MAPK14: variants seen among roughly 807,000 people sequenced by gnomAD.
MAPK14 encodes the protein mitogen-activated protein kinase 14.
Under a neutral mutation model 49.6 loss-of-function variants are expected in MAPK14, and 16 were observed. The observed-to-expected ratio is 0.32, with a 90% CI of 0.22 to 0.49. The LOEUF is 0.49. Ranked by LOEUF, MAPK14 falls within the 20% of genes least tolerant of loss-of-function variation. The probability of loss-of-function intolerance (pLI) is 0.99; values close to 1 mark genes in which losing one functional copy is unlikely to be tolerated. For synonymous variants in MAPK14, 142 were observed against 158.0 expected, an observed-to-expected ratio of 0.90 and a Z score of 0.76; for missense variants, 200 against 441.2, an observed-to-expected ratio of 0.45 and a Z score of 4.90.
intron 8 of MAPK14, among the ~76,000 whole-genome samples, chr6:36,086,949 G>A (rs767085264): frequency 1.3e-5 from 2 of 152,076 alleles, no homozygotes; most frequent in Non-Finnish European, 2.9e-5. Context: ...CATCCACCAC[G>A]GTCAAGTCAG....
rs1023316687 is a variant in MAPK14 at position 36,065,787 on chromosome 6, A to G, written c.305+6440A>G. Among the ~76,000 whole-genome samples the G allele has an allele frequency of 3.9e-5, 6 of 152,170 alleles. No homozygotes were observed. The South Asian group carries it at 1.2e-3, about 31-fold the overall frequency. ...ACAAACACATTCCATAGTGTGTGAT[A>G]AAAAGATATCATTTTACCAGAGGCA... On this transcript the variant is annotated intron_variant, in intron 3 of 11. Transcript: ENST00000229794.
At chr6:36,098,984 T>G (rs1465685926) in intron 9 of MAPK14, among the ~76,000 whole-genome samples, 1 of 152,200 alleles carries the variant, frequency 6.6e-6, no homozygotes, top group Non-Finnish European at 1.5e-5. Flanking sequence ...GCCTCTGTCT[T>G]TGGGCTTAGG....
chr6:36,061,988 T>C (rs1220868957), intron 3 of MAPK14, among the ~76,000 whole-genome samples: 1 of 152,238 alleles, frequency 6.6e-6, no homozygotes, highest in Non-Finnish European at 1.5e-5. Flanking sequence ...GTTTTCTTTT[T>C]TTTTGAGACA....
At chr6:36,115,995 G>C (rs1391687143), downstream of MAPK14, among the ~76,000 whole-genome samples, 1 of 151,944 alleles carries the variant, frequency 6.6e-6, no homozygotes, top group Admixed American at 6.6e-5. Flanking sequence ...TGTAGTCCCA[G>C]CTACTGAGGA....
intron 1 of MAPK14, among the ~76,000 whole-genome samples, chr6:36,047,739 T>G (rs2127411447): frequency 6.7e-6 from 1 of 150,252 alleles, no homozygotes. Flanking sequence ...CTGACTAATT[T>G]TTTTTTTTTT....
At chr6:36,052,559 G>A in intron 1 of MAPK14, 140 bp from the exon 2 acceptor site, 4 of 615,508 alleles carry the variant, frequency 6.5e-6, no homozygotes, top group Non-Finnish European at 1.0e-5. Context: ...GGGATAATAG[G>A]TCATTTTGCT....
chr6:36,073,459 G>A (rs750671519), intron 4 of MAPK14, among the ~76,000 whole-genome samples: 13 of 152,256 alleles, frequency 8.5e-5, no homozygotes, highest in Non-Finnish European at 1.8e-4. Flanking sequence ...TCCTTATTGA[G>A]CTCCAGAGTG....
intron 3 of MAPK14, among the ~76,000 whole-genome samples, chr6:36,064,422 T>C (rs1311389187): frequency 5.9e-5 from 9 of 152,176 alleles, no homozygotes; most frequent in Admixed American, 5.9e-4. Flanking sequence ...TGATACTTTT[T>C]CCTTTATTTT....
At chr6:36,083,106 C>T (rs1037298933) in intron 8 of MAPK14, among the ~76,000 whole-genome samples, 14 of 152,266 alleles carry the variant, frequency 9.2e-5, no homozygotes, top group Admixed American at 4.6e-4. Context: ...ACAAGAAGAA[C>T]GAAAACGGTG....
At position 36,108,706 on chromosome 6, in the gene MAPK14, G is replaced by A. The variant is rs1562157989; in HGVS notation, c.*259G>A. 7 of 462,374 alleles carry A rather than the reference G, an allele frequency of 1.5e-5. No individual in the cohort carries two copies. In the East Asian group the frequency reaches 2.7e-4, roughly 18 times the overall value. The allele number at this position is 462,374 out of a possible 1,614,324, so 28.6% of individuals were successfully genotyped here. A position where few individuals can be genotyped will look rare whatever the true frequency, so the allele number is the denominator to read the frequency against. ...GATGCTCCAGGGCAGCCTCCACCTT[G>A]CTCTTCTTTCTGAGAGTTGGCTCAG... On this transcript the variant is annotated 3_prime_UTR_variant, in exon 12 of 12. Coordinates refer to ENST00000229794, the MANE Select transcript of MAPK14 (RefSeq NM_139012.3).
Position 36,108,558 on chromosome 6 carries a change from G to C in MAPK14, c.*111G>C, listed in dbSNP as rs199848104. 1.6e-4 allele frequency: 140 copies of C among 867,998 alleles called. 2 individuals carry two copies. The Middle Eastern group carries it at 3.1e-3, about 19-fold the overall frequency. 53.8% of individuals were successfully genotyped at this position (867,998 alleles called of 1,614,324 possible). ...TCTTGTTGCAGAGATTTCCTCCATG[G>C]TGGAAGGGGGTGTGCGTGCGTGTGC... On this transcript the variant is annotated 3_prime_UTR_variant, in exon 12 of 12. Coordinates refer to ENST00000229794, the MANE Select transcript of MAPK14 (RefSeq NM_139012.3).
downstream of MAPK14, among the ~76,000 whole-genome samples, chr6:36,114,713 GT>G (rs1766030090): frequency 6.6e-6 from 1 of 151,912 alleles, no homozygotes; most frequent in African/African-American, 2.4e-5. Context: ...GGGGAAATAT[GT>G]TTGGTACTGA....
At chr6:36,074,158 A>G (rs1283989522) in intron 6 of MAPK14, 62 bp downstream of exon 6, 2 of 1,323,550 alleles carry the variant, frequency 1.5e-6, no homozygotes, top group Admixed American at 1.7e-5. Context: ...TTGACTAAGC[A>G]GGCAGACTTT....
the MAPK14 span, among the ~76,000 whole-genome samples, chr6:36,119,921 C>T: frequency 1.3e-5 from 2 of 152,040 alleles, no homozygotes; most frequent in South Asian, 2.1e-4. Flanking sequence ...CAGATGCATA[C>T]GTATATAGTA....
At chr6:36,098,576 G>A (rs1369003404) in intron 9 of MAPK14, among the ~76,000 whole-genome samples, 1 of 152,062 alleles carries the variant, frequency 6.6e-6, no homozygotes, top group African/African-American at 2.4e-5. Flanking sequence ...AGATAAAAAA[G>A]CGAAGACCTG....
intron 1 of MAPK14, among the ~76,000 whole-genome samples, chr6:36,029,408 C>T (rs1442009811): frequency 2.6e-5 from 4 of 152,182 alleles, no homozygotes; most frequent in Non-Finnish European, 2.9e-5. Context: ...TCACTAACTG[C>T]TCTCTTAACT....
intron 1 of MAPK14, among the ~76,000 whole-genome samples, chr6:36,043,274 T>A (rs1348153614): frequency 6.6e-6 from 1 of 152,232 alleles, no homozygotes; most frequent in Non-Finnish European, 1.5e-5. Context: ...AAAGCTAATG[T>A]TTTAAATTTT....
chr6:36,077,661 C>G (rs1247485891), intron 8 of MAPK14, among the ~76,000 whole-genome samples: 1 of 152,146 alleles, frequency 6.6e-6, no homozygotes, highest in Non-Finnish European at 1.5e-5. Flanking sequence ...GAAAAAACCT[C>G]TATTTCTCAG....
chr6:36,113,736 A>ATTTTGTTTTGTG (rs1766014526), downstream of MAPK14, among the ~76,000 whole-genome samples: 1 of 152,230 alleles, frequency 6.6e-6, no homozygotes, highest in African/African-American at 2.4e-5. Context: ...GATCAGAAGA[A>ATTTTGTTTTGTG]ACCTTTTCTT....
Sources: gnomAD v4.1 joint callset for allele counts (sites outside exome capture counted in the v4.1 genomes callset) on GRCh38, gnomAD v4.1.1 for gene constraint, MANE v1.5 for transcripts, NCBI Gene and HGNC (gene_info 2026-07-23, HGNC 2026-07-21) for gene names.